The following AP4E1 variants were observed in gnomAD, a reference collection of about 807,000 sequenced individuals.
The protein encoded by AP4E1 is adaptor related protein complex 4 subunit epsilon 1, also known as AP-4 complex subunit epsilon-1.
A neutral mutation model predicts 128.2 loss-of-function variants in AP4E1; 56 were observed. The observed-to-expected ratio is 0.44, with a 90% CI of 0.35 to 0.55. The LOEUF (loss-of-function observed/expected upper bound fraction) is 0.55. AP4E1 is among the 20% of genes least tolerant of loss of function. AP4E1 has a pLI of 0.00. For synonymous variants in AP4E1, 484 were observed against 473.1 expected (o/e 1.02, Z -0.30); for missense variants, 1,324 against 1,307.7 (o/e 1.01, Z -0.19).
chr15:51,004,057 T>C lies in AP4E1; in HGVS notation c.*1395T>C, dbSNP rs2064994374. On this transcript the variant is annotated 3_prime_UTR_variant, in exon 21 of 21. Coordinates refer to ENST00000261842, the MANE Select transcript of AP4E1 (RefSeq NM_007347.5). ...GTTATTCATTAAAAAATATATAACA[T>C]CTTAATTTTATTCTTTTAAAAACAT... 1 of 152,222 alleles carries C rather than the reference T, an allele frequency of 6.6e-6. No homozygotes were observed. Among genetic ancestry groups the C allele is most frequent in the South Asian group, 2.1e-4 (1 of 4,834 alleles). The allele number at this position is 152,222 out of a possible 1,614,324, so 9.4% of individuals were successfully genotyped here. A position where few individuals can be genotyped will look rare whatever the true frequency, so the allele number is the denominator to read the frequency against.
Position 51,002,504 on chromosome 15 carries a change from A to G in AP4E1, c.3256A>G (p.Asn1086Asp). 1 of 1,614,132 alleles carries G rather than the reference A, an allele frequency of 6.2e-7. No homozygotes were observed. The highest frequency in any genetic ancestry group is 8.5e-7 in the Non-Finnish European group (1 of 1,179,998). ...LRLHIIEIIGNEGLLACQLLP... is the reference protein window; with the variant it reads ...LRLHIIEIIGDEGLLACQLLP... ...TTTTCACTTTTGTTTTGTTTTAGGC[A>G]ATGAAGGGCTATTGGCCTGTCAGCT... The change falls in exon 21 of 21, where the codon AAT becomes GAT. Residue 1086 changes from asparagine to aspartate, a missense_variant and splice_region_variant. Physicochemically the swap from Asn to Asp is conservative, Grantham distance 23. Transcript: ENST00000261842.
intron 18 of AP4E1, 54 bp from the exon 19 acceptor site, chr15:50,999,018 A>G: frequency 6.6e-7 from 1 of 1,517,984 alleles, no homozygotes; most frequent in Admixed American, 1.7e-5. Context: ...TAGTCATGTA[A>G]TAGTCTGTAT....
Position 50,941,664 on chromosome 15 carries a change from A to G in AP4E1, c.1067-2A>G. 2 of 1,613,070 alleles carry G rather than the reference A, an allele frequency of 1.2e-6. No homozygotes were observed. Among genetic ancestry groups the G allele is most frequent in the Non-Finnish European group, 1.7e-6 (2 of 1,179,184 alleles). On this transcript the variant is annotated splice_acceptor_variant, in intron 9 of 20. Coordinates refer to ENST00000261842, the MANE Select transcript of AP4E1 (RefSeq NM_007347.5). LOFTEE classifies it high-confidence loss of function. ...CTTTGTATAATGTGTCTTTGTTTCT[A>G]GGACTGAAGGCTCTTACCTATGTTA...
chr15:50,991,819 A>G (rs1421713316), intron 16 of AP4E1, among the ~76,000 whole-genome samples: 2 of 152,132 alleles, frequency 1.3e-5, no homozygotes, highest in Non-Finnish European at 2.9e-5. Context: ...AATACTAATA[A>G]TAATTAGTAG....
At chr15:50,979,802 A>T (rs533616817) in intron 15 of AP4E1, among the ~76,000 whole-genome samples, 1 of 151,996 alleles carries the variant, frequency 6.6e-6, no homozygotes, top group Non-Finnish European at 1.5e-5. Context: ...TGGAATTACC[A>T]CCCGGCCATA....
chr15:51,001,256 T>C, intron 20 of AP4E1, 73 bp downstream of exon 20: 4 of 1,398,534 alleles, frequency 2.9e-6, no homozygotes, highest in Middle Eastern at 3.6e-4. Flanking sequence ...AATCAACTCT[T>C]ACAAGTATCA....
chr15:50,907,547 A>G (rs2063500299), upstream of AP4E1, among the ~76,000 whole-genome samples: 1 of 152,072 alleles, frequency 6.6e-6, no homozygotes, highest in Non-Finnish European at 1.5e-5. Flanking sequence ...ACCTCCTAGA[A>G]ACACACTAGG....
intron 15 of AP4E1, among the ~76,000 whole-genome samples, chr15:50,977,348 C>T (rs1461214876): frequency 1.3e-5 from 2 of 152,162 alleles, no homozygotes; most frequent in Non-Finnish European, 2.9e-5. Flanking sequence ...GACACAAATA[C>T]AAGAGCCCTG....
intron 12 of AP4E1, 33 bp downstream of exon 12, chr15:50,949,971 AT>A: frequency 1.9e-6 from 3 of 1,595,794 alleles, no homozygotes; most frequent in Non-Finnish European, 1.7e-6. Context: ...TAAAGTAAAC[AT>A]TTTAAAGTTT....
chr15:50,945,511 G>T, intron 10 of AP4E1: 1 of 749,672 alleles, frequency 1.3e-6, no homozygotes, highest in South Asian at 1.5e-5. Flanking sequence ...TCATGTATCT[G>T]CAGTGCTTGA....
At chr15:50,969,540 A>G (rs1463235336) in intron 15 of AP4E1, among the ~76,000 whole-genome samples, 2 of 152,102 alleles carry the variant, frequency 1.3e-5, no homozygotes, top group African/African-American at 2.4e-5. Flanking sequence ...ATAATTATAC[A>G]TATTCATGGG....
Position 50,929,068 on chromosome 15 carries a change from A to G in AP4E1, c.602A>G (p.Asn201Ser). The change falls in exon 6 of 21, where the codon AAT becomes AGT. Residue 201 changes from asparagine to serine, a missense_variant. By Grantham distance (46) the Asn-to-Ser change is conservative. Coordinates refer to ENST00000261842, the MANE Select transcript of AP4E1 (RefSeq NM_007347.5). ...ALYKFHLIAP[N>S]QVQHIHIKFR... ...TACAAATTCCATCTCATTGCTCCTA[A>G]TCAAGTACAACATATTCATATTAAG... The G allele has an allele frequency of 1.2e-6, 2 of 1,613,838 alleles. No individual in the cohort carries two copies. The highest frequency in any genetic ancestry group is 2.2e-5 in the East Asian group (1 of 44,800).
intron 14 of AP4E1, 87 bp from the exon 15 acceptor site, chr15:50,968,176 T>C (rs1437128977): frequency 1.1e-6 from 1 of 927,464 alleles, no homozygotes; most frequent in East Asian, 2.7e-5. Context: ...TTAAAAAATA[T>C]ATATGGGCTG....
At chr15:50,977,130 C>T (rs1445517518) in intron 15 of AP4E1, among the ~76,000 whole-genome samples, 1 of 152,018 alleles carries the variant, frequency 6.6e-6, no homozygotes, top group African/African-American at 2.4e-5. Flanking sequence ...ATATAAATGC[C>T]TTATGACATC....
chr15:50,984,263 T>A, intron 16 of AP4E1, 118 bp downstream of exon 16: 1 of 1,307,106 alleles, frequency 7.7e-7, no homozygotes, highest in Non-Finnish European at 1.1e-6. Flanking sequence ...TATTTTAGGA[T>A]AACTTTCAAG....
intron 16 of AP4E1, among the ~76,000 whole-genome samples, chr15:50,987,014 A>G (rs993320184): frequency 1.3e-5 from 2 of 152,152 alleles, no homozygotes; most frequent in African/African-American, 2.4e-5. Context: ...CAGAGATTCA[A>G]CTTCTTCCTG....
At chr15:50,909,347 A>G (rs1318173443) in intron 1 of AP4E1, among the ~76,000 whole-genome samples, 3 of 151,788 alleles carry the variant, frequency 2.0e-5, no homozygotes, top group African/African-American at 4.8e-5. Context: ...TTTTTTCCCT[A>G]CTCAGTTTCC....
chr15:50,924,148 C>G, intron 4 of AP4E1, 144 bp downstream of exon 4: 2 of 659,636 alleles, frequency 3.0e-6, no homozygotes, highest in Non-Finnish European at 2.6e-6. Context: ...TCAGTTTCTG[C>G]ATCTATAAAA....
At chr15:50,956,152 ATCT>A (rs1241635976) in intron 13 of AP4E1, among the ~76,000 whole-genome samples, 1 of 152,154 alleles carries the variant, frequency 6.6e-6, no homozygotes, top group Non-Finnish European at 1.5e-5. Flanking sequence ...GGATAAATAC[ATCT>A]TCTCCATCTT....
Sources: allele counts gnomAD v4.1 joint callset (sites outside exome capture counted in the v4.1 genomes callset), GRCh38; gene constraint gnomAD v4.1.1; transcripts MANE v1.5; gene names NCBI Gene and HGNC (gene_info 2026-07-23, HGNC 2026-07-21).